The following ADAMTSL1 variants were observed in gnomAD, a reference collection of about 807,000 sequenced individuals.
The protein encoded by ADAMTSL1 is ADAMTS-like protein 1.
ADAMTSL1 carries 126 observed loss-of-function variants against 201.8 expected under a neutral mutation model. That is an observed-to-expected ratio of 0.62 (90% CI 0.54 to 0.72). The LOEUF (loss-of-function observed/expected upper bound fraction) is 0.72, where lower values mean the gene tolerates loss of function less well. ADAMTSL1 is among the 30% of genes least tolerant of loss of function. The pLI is 0.00. For synonymous variants in ADAMTSL1, 1,121 were observed against 903.4 expected (o/e 1.24, Z -4.32); for missense variants, 2,679 against 2,277.8 (o/e 1.18, Z -3.59).
intron 1 of ADAMTSL1, among the ~76,000 whole-genome samples, chr9:17,947,216 A>C (rs1403134081): frequency 6.6e-6 from 1 of 151,302 alleles, no homozygotes; most frequent in Non-Finnish European, 1.5e-5. Flanking sequence ...TTAAAAACAC[A>C]GTCTGTTAAA....
chr9:18,356,604 AAC>A (rs67090987), intron 2 of ADAMTSL1, among the ~76,000 whole-genome samples: 54,350 of 143,226 alleles, frequency 0.38, 10,423 homozygotes, highest in Middle Eastern at 0.46. Context: ...TACACAATAA[AAC>A]ACACACACAC....
At chr9:18,559,034 G>A (rs1775775749) in intron 3 of ADAMTSL1, among the ~76,000 whole-genome samples, 1 of 152,100 alleles carries the variant, frequency 6.6e-6, no homozygotes, top group African/African-American at 2.4e-5. Flanking sequence ...TGTCAATTTT[G>A]GCTTTTGTTG....
chr9:18,531,444 C>A (rs960298650), intron 2 of ADAMTSL1, among the ~76,000 whole-genome samples: 17 of 152,190 alleles, frequency 1.1e-4, no homozygotes, highest in Non-Finnish European at 8.8e-5. Context: ...CTGGACTGGA[C>A]ACTGACACAC....
intron 2 of ADAMTSL1, among the ~76,000 whole-genome samples, chr9:18,295,898 A>G (rs761042355): frequency 6.6e-5 from 10 of 152,246 alleles, no homozygotes; most frequent in Non-Finnish European, 1.3e-4. Flanking sequence ...TATATGCCTT[A>G]TGTTGGAGAG....
At chr9:18,594,463 A>G (rs1824129814) in intron 4 of ADAMTSL1, among the ~76,000 whole-genome samples, 1 of 151,826 alleles carries the variant, frequency 6.6e-6, no homozygotes, top group South Asian at 2.1e-4. Flanking sequence ...TAACTCAAAT[A>G]TTTGCTTTTT....
chr9:17,964,077 GT>G, intron 1 of ADAMTSL1, among the ~76,000 whole-genome samples: 1 of 152,230 alleles, frequency 6.6e-6, no homozygotes, highest in South Asian at 2.1e-4. Context: ...TGAAAACCAT[GT>G]TTCCTTGACC....
At chr9:18,838,169 C>A (rs114712738) in intron 23 of ADAMTSL1, among the ~76,000 whole-genome samples, 1 of 152,048 alleles carries the variant, frequency 6.6e-6, no homozygotes, top group African/African-American at 2.4e-5. Context: ...AAAGAGAGAG[C>A]TTATGCAGGG....
At chr9:18,303,813 T>C (rs1231501056) in intron 2 of ADAMTSL1, among the ~76,000 whole-genome samples, 1 of 152,222 alleles carries the variant, frequency 6.6e-6, no homozygotes, top group Non-Finnish European at 1.5e-5. Context: ...TTAATAATGC[T>C]GGAGTCCATT....
chr9:18,788,146 T>C (rs139427491), intron 19 of ADAMTSL1, among the ~76,000 whole-genome samples: 150 of 152,310 alleles, frequency 9.8e-4, no homozygotes, highest in African/African-American at 3.4e-3. Flanking sequence ...AATGGTGATA[T>C]GAAACTCTTC....
chr9:18,788,869 CTT>C (rs147575947), intron 19 of ADAMTSL1, among the ~76,000 whole-genome samples: 2 of 141,518 alleles, frequency 1.4e-5, no homozygotes. Flanking sequence ...AGAATTCTGG[CTT>C]TTTTTTTTTT....
rs113238168 is a variant in ADAMTSL1, at chr9:17,961,006, T to C, written c.87+54084T>C. Among the ~76,000 whole-genome samples the C allele has an allele frequency of 1.5e-3, 235 of 152,250 alleles. 1 individual carries two copies. Among genetic ancestry groups the C allele is most frequent in the African/African-American group, 5.3e-3 (220 of 41,552 alleles). On this transcript the variant is annotated intron_variant, in intron 1 of 29. Coordinates refer to the ADAMTSL1 transcript ENST00000680146. The stretch of plus-strand genomic sequence containing the variant: ...ATACCAGTTCAGTCAGGCTAGAAAA[T>C]TGTTTTGAAAGTATACCATACGTCA...
chr9:18,886,201 TATATATATATAC>T lies in ADAMTSL1; in HGVS notation c.4250-1628_4250-1617del, dbSNP rs1300993903. ...ATATATATATATATATATATATATA[TATATATATATAC>T]ACACACATACATATACATACATACA... is the stretch of plus-strand genomic sequence containing the variant. On this transcript the variant is annotated intron_variant, in intron 23 of 28. Transcript: ENST00000380548. Among the ~76,000 whole-genome samples, 1,064 of 128,524 alleles carry T rather than the reference TATATATATATAC, an allele frequency of 8.3e-3. 25 individuals carry two copies. The highest frequency in any genetic ancestry group is 0.029 in the African/African-American group (962 of 32,934). 84.3% of individuals were successfully genotyped at this position (128,524 alleles called of 152,430 possible). A position where few individuals can be genotyped will look rare whatever the true frequency, so the allele number is the denominator to read the frequency against.
At position 18,504,926 on chromosome 9, in the gene ADAMTSL1, C is replaced by T; in HGVS notation, c.161C>T (p.Ser54Phe). ...TCACGCACCTGCGGGGGTGGGGCCT[C>T]CTACTCTCTGAGGCGCTGCCTGAGC... ...ECSRTCGGGASYSLRRCLSSK... is the reference protein window; with the variant it reads ...ECSRTCGGGAFYSLRRCLSSK... The change falls in exon 2 of 29, where the codon TCC (serine) becomes TTC (phenylalanine). Residue 54 changes from serine (S) to phenylalanine (F), a missense_variant. Ser to Phe is a radical substitution (Grantham distance 155). Coordinates refer to ENST00000380548, the MANE Select transcript of ADAMTSL1 (RefSeq NM_001040272.6). 3 of 1,611,408 alleles carry T rather than the reference C, an allele frequency of 1.9e-6. No homozygotes were observed. The highest frequency in any genetic ancestry group is 2.5e-6 in the Non-Finnish European group (3 of 1,179,454).
At chr9:18,038,901 C>A (rs564042623) in intron 1 of ADAMTSL1, among the ~76,000 whole-genome samples, 1 of 152,266 alleles carries the variant, frequency 6.6e-6, no homozygotes, top group South Asian at 2.1e-4. Flanking sequence ...CAGATTTCTG[C>A]CACAGTAATT....
At chr9:18,073,059 C>A (rs983699768) in intron 1 of ADAMTSL1, among the ~76,000 whole-genome samples, 1 of 152,118 alleles carries the variant, frequency 6.6e-6, no homozygotes, top group East Asian at 1.9e-4. Flanking sequence ...GTCCTCACAG[C>A]GTTATCTTCA....
chr9:18,205,489 G>A (rs979714507), intron 2 of ADAMTSL1, among the ~76,000 whole-genome samples: 4 of 151,824 alleles, frequency 2.6e-5, no homozygotes, highest in South Asian at 2.1e-4. Flanking sequence ...AAAAAAAAAC[G>A]AAAAGTTTTA....
At chr9:18,768,808 G>A (rs1433036099) in intron 16 of ADAMTSL1, among the ~76,000 whole-genome samples, 4 of 152,106 alleles carry the variant, frequency 2.6e-5, no homozygotes, top group South Asian at 2.1e-4. Flanking sequence ...ACCACTGGTC[G>A]TAACAGAGAC....
chr9:18,707,136 A>G (rs1235125202), intron 14 of ADAMTSL1, 88 bp downstream of exon 14: 2 of 1,464,920 alleles, frequency 1.4e-6, no homozygotes, highest in East Asian at 4.6e-5. Flanking sequence ...GACTGCCTCA[A>G]ATCCAAGAAT....
chr9:18,130,018 T>C (rs1825883203), intron 1 of ADAMTSL1, among the ~76,000 whole-genome samples: 1 of 152,186 alleles, frequency 6.6e-6, no homozygotes, highest in Admixed American at 6.5e-5. Context: ...AGGCAGCATG[T>C]TCCTGAGCTC....
Sources: gnomAD v4.1 joint callset for allele counts (sites outside exome capture counted in the v4.1 genomes callset) on GRCh38, gnomAD v4.1.1 for gene constraint, MANE v1.5 for transcripts, NCBI Gene and HGNC (gene_info 2026-07-23, HGNC 2026-07-21) for gene names.